Variants in RHCG observed in about 807,000 individuals in gnomAD.
The protein encoded by RHCG is ammonium transporter Rh type C.
Under a neutral mutation model 55.3 loss-of-function variants are expected in RHCG, and 39 were observed. The ratio of observed to expected loss-of-function variants is 0.70; its 90% CI spans 0.55 to 0.92. The LOEUF (loss-of-function observed/expected upper bound fraction) is 0.92. Among genes scored for constraint, RHCG ranks in the 40% least tolerant of loss-of-function variants. The pLI, the probability that RHCG is intolerant of heterozygous loss-of-function variation, is 0.00. For missense variants in RHCG, 635 were observed against 627.9 expected, an observed-to-expected ratio of 1.01 and a Z score of -0.12; for synonymous variants, 250 against 246.8, an observed-to-expected ratio of 1.01 and a Z score of -0.12.
At chr15:89,482,496 A>G (rs547570910) in intron 3 of RHCG, among the ~76,000 whole-genome samples, 17 of 152,280 alleles carry the variant, frequency 1.1e-4, no homozygotes, top group Non-Finnish European at 2.1e-4. Context: ...TGCAGTTTCT[A>G]CGTGAGATCC....
Position 89,487,033 on chromosome 15 carries a change from T to C in RHCG, c.185-48A>G, listed in dbSNP as rs368446763. On this transcript the variant is annotated intron_variant, in intron 1 of 10. Transcript: ENST00000268122. ...GACTCGGTGGTCTGGCGAAGGTTCG[T>C]CCCAGCCCTGGGTCTGGGCCAGGAA... 324 of 1,484,498 alleles carry C rather than the reference T, an allele frequency of 2.2e-4. 2 individuals are homozygous for C. The highest frequency in any genetic ancestry group is 5.8e-5 in the Non-Finnish European group (65 of 1,111,502). The allele number at this position is 1,484,498 out of a possible 1,614,324, so 92.0% of individuals were successfully genotyped here.
chr15:89,492,692 G>T (rs1197423617), intron 1 of RHCG, among the ~76,000 whole-genome samples: 1 of 152,180 alleles, frequency 6.6e-6, no homozygotes, highest in Non-Finnish European at 1.5e-5. Flanking sequence ...AATTATAAAT[G>T]CCCCACCTGA....
chr15:89,495,210 C>T (rs1453695969), intron 1 of RHCG, among the ~76,000 whole-genome samples: 3 of 152,168 alleles, frequency 2.0e-5, no homozygotes, highest in Non-Finnish European at 4.4e-5. Context: ...TTGGCAGCCA[C>T]TTAATATGGC....
intron 2 of RHCG, chr15:89,486,389 C>CT (rs1961358644): frequency 4.4e-6 from 2 of 456,520 alleles, no homozygotes; most frequent in African/African-American, 4.0e-5. Flanking sequence ...GGACACAGGG[C>CT]TGGGCGATTT....
At chr15:89,474,691 G>C (rs1961098710) in intron 9 of RHCG, among the ~76,000 whole-genome samples, 1 of 152,198 alleles carries the variant, frequency 6.6e-6, no homozygotes, top group Admixed American at 6.5e-5. Flanking sequence ...GGATGCTGCA[G>C]AACTCAGTTG....
rs565775598 is a variant in RHCG, at chr15:89,477,319, C to A, written c.1113-113G>T. On this transcript the variant is annotated intron_variant, in intron 7 of 10. Coordinates refer to ENST00000268122, the MANE Select transcript of RHCG (RefSeq NM_016321.3). The surrounding 1 kb of genome is among the most constrained non-coding windows in gnomAD (Gnocchi z 4.5). ...CGGGCCTCAGCCTTCCCACCCACAA[C>A]ATGGGGACACCGGACATATCAGTTG... The A allele has an allele frequency of 1.2e-4, 175 of 1,468,800 alleles. 1 individual carries two copies. In the African/African-American group the frequency reaches 1.5e-3, roughly 13 times the overall value. The allele number at this position is 1,468,800 out of a possible 1,614,324, so 91.0% of individuals were successfully genotyped here.
intron 2 of RHCG, chr15:89,486,290 C>T: frequency 2.2e-6 from 1 of 456,606 alleles, no homozygotes; most frequent in Non-Finnish European, 4.4e-6. Flanking sequence ...GCTGGAGTCC[C>T]CATTCGGTGT....
intron 1 of RHCG, among the ~76,000 whole-genome samples, chr15:89,490,413 G>A (rs1349849741): frequency 3.9e-5 from 6 of 152,220 alleles, no homozygotes; most frequent in Non-Finnish European, 5.9e-5. Context: ...ATTTAGCATC[G>A]GTGCTGAGTT....
intron 9 of RHCG, among the ~76,000 whole-genome samples, chr15:89,476,374 G>A (rs1389065391): frequency 2.0e-5 from 3 of 152,154 alleles, no homozygotes; most frequent in African/African-American, 7.2e-5. Context: ...ATGAGAATTT[G>A]CATTTCTAAC....
chr15:89,496,276 T>C (rs1359862343), intron 1 of RHCG, 85 bp downstream of exon 1: 6 of 1,416,838 alleles, frequency 4.2e-6, no homozygotes, highest in Non-Finnish European at 5.9e-6. Context: ...GATCCCCTCC[T>C]CTGCCCAGCT....
rs367824036 is a variant in RHCG, at chr15:89,471,781, G to T, written c.*99C>A. 1.3e-5 allele frequency: 2 copies of T among 152,846 alleles called. No homozygotes were observed. The highest frequency in any genetic ancestry group is 4.8e-5 in the African/African-American group (2 of 41,456). The allele number at this position is 152,846 out of a possible 1,614,324, so 9.5% of individuals were successfully genotyped here. On this transcript the variant is annotated 3_prime_UTR_variant, in exon 11 of 11. Transcript: ENST00000268122. ...CTTGAGGCCAAGCCAGCAGGTGGGGGTGCTGCTTGCTCACTCTTGCATCCC... is the reference window on the plus strand; with the variant it reads ...CTTGAGGCCAAGCCAGCAGGTGGGGTTGCTGCTTGCTCACTCTTGCATCCC...
chr15:89,477,121 C>A lies in RHCG; in HGVS notation c.1198G>T (p.Val400Leu), dbSNP rs764145129. ...CCCATCAGGGCCATGGCCAGGGTCA[C>A]CAAGAGACCATAAATCTGGAACTTT... ...QGKFQIYGLL[V>L]TLAMALMGGI... Residue 400 changes from valine to leucine, a missense_variant, in exon 8 of 11, where the codon GTG becomes TTG. Val to Leu is a conservative substitution (Grantham distance 32, BLOSUM62 1). Coordinates refer to ENST00000268122, the MANE Select transcript of RHCG (RefSeq NM_016321.3). The surrounding 1 kb of genome is among the most constrained non-coding windows in gnomAD (Gnocchi z 4.5). 6 of 1,614,076 alleles carry A rather than the reference C, an allele frequency of 3.7e-6. No individual in the cohort carries two copies. The highest frequency in any genetic ancestry group is 5.1e-6 in the Non-Finnish European group (6 of 1,180,028).
At chr15:89,491,015 A>G (rs1177094862) in intron 1 of RHCG, among the ~76,000 whole-genome samples, 5 of 152,180 alleles carry the variant, frequency 3.3e-5, no homozygotes, top group Non-Finnish European at 7.4e-5. Context: ...GGGGGAAGAC[A>G]GCATCACCGC....
intron 2 of RHCG, among the ~76,000 whole-genome samples, chr15:89,484,834 C>T (rs1357526935): frequency 6.6e-6 from 1 of 151,106 alleles, no homozygotes; most frequent in Non-Finnish European, 1.5e-5. Flanking sequence ...ATCCCTTGGG[C>T]TATCAGCATT....
Position 89,479,416 on chromosome 15 carries a change from C to T in RHCG, c.743G>A (p.Arg248Gln), listed in dbSNP as rs776686026. 24 of 1,614,012 alleles carry T rather than the reference C, an allele frequency of 1.5e-5. No individual in the cohort carries two copies. Among genetic ancestry groups the T allele is most frequent in the Non-Finnish European group, 1.7e-5 (20 of 1,180,030 alleles). ...AISYHGDSQH[R>Q]AAINTYCSLA... ...GGAGCAGTAGGTGTTGATGGCGGCT[C>T]GGTGCTGGCTGTCCCCATGGTAGGA... is the stretch of plus-strand genomic sequence containing the variant. Residue 248 changes from arginine (R) to glutamine (Q), a missense_variant, in exon 5 of 11, where the codon CGA becomes CAA. By Grantham distance (43) the Arg-to-Gln change is conservative (BLOSUM62 1). Coordinates refer to ENST00000268122, the MANE Select transcript of RHCG (RefSeq NM_016321.3).
intron 2 of RHCG, among the ~76,000 whole-genome samples, chr15:89,483,953 C>A (rs1961313842): frequency 6.6e-6 from 1 of 152,162 alleles, no homozygotes; most frequent in Non-Finnish European, 1.5e-5. Context: ...TTGTGTAGAC[C>A]CTGATTCCAT....
chr15:89,486,425 T>C (rs373404677), intron 2 of RHCG: 4 of 458,872 alleles, frequency 8.7e-6, no homozygotes, highest in Non-Finnish European at 8.8e-6. Context: ...GGTCGGACCC[T>C]GCCCCCAGAG....
In RHCG at chr15:89,479,349, G is replaced by C. The variant is rs1961219984; in HGVS notation, c.810C>G (p.Ala270=). The C allele has an allele frequency of 6.2e-7, 1 of 1,614,076 alleles. No individual in the cohort carries two copies. ...CVLTSVAISS[A]LHKKGKLDMV... is the part of the protein sequence containing the mutation. ...TGTCCAGCTTGCCCTTCTTGTGCAGGGCACTGGATATTGCCACCGAGGTAA... is the reference window on the plus strand; with the variant it reads ...TGTCCAGCTTGCCCTTCTTGTGCAGCGCACTGGATATTGCCACCGAGGTAA... The change falls in exon 5 of 11, where the codon GCC becomes GCG. Residue 270 remains alanine (A), a synonymous_variant. Transcript: ENST00000268122.
chr15:89,486,599 A>AGAGAGAGAGAGAGTGAGTGTGT, intron 2 of RHCG, 200 bp downstream of exon 2: 2 of 236,650 alleles, frequency 8.5e-6, no homozygotes, highest in Admixed American at 5.9e-5. Context: ...AGAGAGAGAG[A>AGAGAGAGAGAGAGTGAGTGTGT]GTGTGTGTGT....
Sources: gnomAD v4.1 joint callset for allele counts (sites outside exome capture counted in the v4.1 genomes callset) on GRCh38, gnomAD v4.1.1 for gene constraint, Gnocchi (gnomAD v3.1) non-coding constraint, MANE v1.5 for transcripts, NCBI Gene and HGNC (gene_info 2026-07-23, HGNC 2026-07-21) for gene names.